The following MAP3K5 variants were observed in gnomAD, a reference collection of about 807,000 sequenced individuals.
MAP3K5 encodes the protein ASK-1.
MAP3K5 carries 56 observed loss-of-function variants against 158.7 expected under a neutral mutation model. The observed-to-expected ratio is 0.35, with a 90% CI of 0.28 to 0.44. The LOEUF is 0.44. Among genes scored for constraint, MAP3K5 ranks in the 20% least tolerant of loss-of-function variants. The pLI, the probability that MAP3K5 is intolerant of heterozygous loss-of-function variation, is 1.00. For synonymous variants in MAP3K5, 579 were observed against 601.7 expected, an observed-to-expected ratio of 0.96 and a Z score of 0.55; for missense variants, 1,294 against 1,674.8, an observed-to-expected ratio of 0.77 and a Z score of 3.97.
At chr6:136,576,825 TA>T (rs1323317533) in intron 25 of MAP3K5, among the ~76,000 whole-genome samples, 1 of 152,206 alleles carries the variant, frequency 6.6e-6, no homozygotes, top group Non-Finnish European at 1.5e-5. Context: ...ATTGTAATAC[TA>T]TATTTTACTA....
chr6:136,744,657 A>G (rs912870996), intron 1 of MAP3K5, among the ~76,000 whole-genome samples: 12 of 152,170 alleles, frequency 7.9e-5, no homozygotes, highest in Non-Finnish European at 1.6e-4. Context: ...ACCAGCACCT[A>G]CACCAGGGAG....
chr6:136,582,409 G>A (rs1206410221), intron 24 of MAP3K5, among the ~76,000 whole-genome samples: 2 of 152,164 alleles, frequency 1.3e-5, no homozygotes, highest in African/African-American at 4.8e-5. Context: ...CCAAATGTGT[G>A]GGCAAGTGCA....
intron 9 of MAP3K5, 62 bp from the exon 10 acceptor site, chr6:136,656,522 T>C: frequency 5.0e-6 from 5 of 1,005,602 alleles, no homozygotes; most frequent in Non-Finnish European, 7.4e-6. Context: ...TTCCCATGTA[T>C]CCCAGTCTAA....
chr6:136,575,564 T>C (rs1200002556), intron 25 of MAP3K5, among the ~76,000 whole-genome samples: 1 of 152,244 alleles, frequency 6.6e-6, no homozygotes, highest in Non-Finnish European at 1.5e-5. Flanking sequence ...TTATAATTAG[T>C]TGTCATGTCG....
At chr6:136,628,778 A>G (rs1337155562) in intron 14 of MAP3K5, among the ~76,000 whole-genome samples, 1 of 152,192 alleles carries the variant, frequency 6.6e-6, no homozygotes, top group East Asian at 1.9e-4. Flanking sequence ...TTTAAGTAAA[A>G]CCATCTCTGT....
chr6:136,561,599 A>T lies in MAP3K5; in HGVS notation c.3921T>A (p.Asn1307Lys). Reference protein sequence around the residue: ...PVFHLNSSGTNTEDSELTDWL... With the variant: ...PVFHLNSSGTKTEDSELTDWL... ...AGTCGGTAAGTTCAGAATCTTCAGT[A>T]TTTGTGCCAGAAGAATTTAGATGAA... Residue 1307 changes from asparagine to lysine, a missense_variant, in exon 28 of 30, where the codon AAT (asparagine) becomes AAA (lysine). This residue lies in a region of MAP3K5 where 199 missense variants were observed against 220.3 expected (regional missense o/e 0.90). Transcript: ENST00000359015. 6.2e-7 allele frequency: 1 copy of T among 1,613,898 alleles called. No homozygotes were observed.
chr6:136,574,990 A>G (rs1774545613), intron 25 of MAP3K5, among the ~76,000 whole-genome samples: 3 of 151,948 alleles, frequency 2.0e-5, no homozygotes, highest in Admixed American at 2.0e-4. Flanking sequence ...CGCCCGGCCT[A>G]AACACTTTTT....
At chr6:136,638,723 CAACA>C (rs1191044919) in intron 13 of MAP3K5, among the ~76,000 whole-genome samples, 1 of 148,676 alleles carries the variant, frequency 6.7e-6, no homozygotes, top group Non-Finnish European at 1.5e-5. Flanking sequence ...ATTGTGGATT[CAACA>C]AACACTTTTC....
chr6:136,652,823 G>T (rs1778577304), intron 10 of MAP3K5, among the ~76,000 whole-genome samples: 1 of 152,176 alleles, frequency 6.6e-6, no homozygotes, highest in Non-Finnish European at 1.5e-5. Flanking sequence ...TCTAATATTT[G>T]TTGAGCTCTT....
chr6:136,762,545 G>A (rs1783805153), intron 1 of MAP3K5, among the ~76,000 whole-genome samples: 1 of 152,162 alleles, frequency 6.6e-6, no homozygotes, highest in Non-Finnish European at 1.5e-5. Flanking sequence ...GGGGGGAAGA[G>A]AGCTTAGTTC....
At position 136,698,527 on chromosome 6, in the gene MAP3K5, A is replaced by G. The variant is rs752090957; in HGVS notation, c.768T>C (p.Arg256=). The G allele has an allele frequency of 6.2e-7, 1 of 1,613,968 alleles. No homozygotes were observed. Among genetic ancestry groups the G allele is most frequent in the South Asian group, 1.1e-5 (1 of 91,064 alleles). ...LGPICLPLVD[R]FIQLLKVAQA... is the part of the protein sequence containing the mutation. ...GTGCCACCTTCAAAAGTTGAATAAA[A>G]CGATCCACAAGAGGTAAGCAGATGG... The change falls in exon 4 of 30, where the codon CGT becomes CGC. Residue 256 remains arginine, a synonymous_variant. Transcript: ENST00000359015.
chr6:136,564,709 A>G (rs1353463490), intron 26 of MAP3K5, among the ~76,000 whole-genome samples: 1 of 152,236 alleles, frequency 6.6e-6, no homozygotes, highest in African/African-American at 2.4e-5. Flanking sequence ...GTTAAAGTGA[A>G]TGAAATATGG....
intron 17 of MAP3K5, among the ~76,000 whole-genome samples, 185 bp downstream of exon 17, chr6:136,612,935 G>C (rs1776407462): frequency 6.6e-6 from 1 of 152,174 alleles, no homozygotes; most frequent in Non-Finnish European, 1.5e-5. Flanking sequence ...TCCTTGAGCA[G>C]AAGCGTTAAG....
At chr6:136,711,362 T>C (rs942996082) in intron 2 of MAP3K5, among the ~76,000 whole-genome samples, 21 of 152,066 alleles carry the variant, frequency 1.4e-4, no homozygotes, top group Admixed American at 1.2e-3. Context: ...TCATTTCTCT[T>C]CTGTAAAGAA....
intron 12 of MAP3K5, among the ~76,000 whole-genome samples, chr6:136,642,051 AAAAT>A (rs1562571595): frequency 1.5e-5 from 2 of 132,914 alleles, no homozygotes; most frequent in African/African-American, 6.6e-5. Flanking sequence ...AAAATAAAAT[AAAAT>A]AAAATAAAAT....
chr6:136,618,215 T>C (rs1483710439), intron 15 of MAP3K5, among the ~76,000 whole-genome samples: 2 of 152,260 alleles, frequency 1.3e-5, no homozygotes, highest in Admixed American at 1.3e-4. Flanking sequence ...TTTGTAATTA[T>C]GCTTTGTAAC....
intron 28 of MAP3K5, among the ~76,000 whole-genome samples, chr6:136,560,950 T>TATAAA (rs375236222): frequency 0.064 from 9,231 of 144,712 alleles, 361 homozygotes; most frequent in Middle Eastern, 0.14. Flanking sequence ...TCCAAAAAAA[T>TATAAA]ATAAAATAAA....
chr6:136,626,822 A>G (rs1777060083), intron 14 of MAP3K5, among the ~76,000 whole-genome samples: 1 of 151,632 alleles, frequency 6.6e-6, no homozygotes, highest in Non-Finnish European at 1.5e-5. Flanking sequence ...ACTTATCATC[A>G]TAAGCATGTG....
intron 3 of MAP3K5, among the ~76,000 whole-genome samples, chr6:136,703,837 A>G (rs1780956407): frequency 6.6e-6 from 1 of 152,260 alleles, no homozygotes; most frequent in South Asian, 2.1e-4. Context: ...AGGAGAAATT[A>G]GCAATTGTAT....
Sources: allele counts gnomAD v4.1 joint callset (sites outside exome capture counted in the v4.1 genomes callset), GRCh38; gene constraint gnomAD v4.1.1; regional missense constraint gnomAD v4.1.1; transcripts MANE v1.5; gene names NCBI Gene and HGNC (gene_info 2026-07-23, HGNC 2026-07-21).